COL21A1: variants seen among roughly 807,000 people sequenced by gnomAD.
The protein encoded by COL21A1 is collagen type XXI alpha 1 chain, also known as collagen alpha-1(XXI) chain.
Under a neutral mutation model 137.9 loss-of-function variants are expected in COL21A1, and 149 were observed. The ratio of observed to expected loss-of-function variants is 1.08; its 90% CI spans 0.95 to 1.24. The LOEUF (loss-of-function observed/expected upper bound fraction) is 1.24, where lower values mean the gene tolerates loss of function less well. Ranked by LOEUF, COL21A1 falls within the 50% of genes most tolerant of loss-of-function variation. The probability of loss-of-function intolerance (pLI) is 0.00; values close to 1 mark genes in which losing one functional copy is unlikely to be tolerated. For missense variants in COL21A1, 1,167 were observed against 1,158.4 expected, an observed-to-expected ratio of 1.01 and a Z score of -0.11; for synonymous variants, 456 against 391.5, an observed-to-expected ratio of 1.16 and a Z score of -1.95.
At chr6:56,119,495 C>T (rs1772261627) in intron 16 of COL21A1, among the ~76,000 whole-genome samples, 1 of 152,050 alleles carries the variant, frequency 6.6e-6, no homozygotes, top group Non-Finnish European at 1.5e-5. Flanking sequence ...AAGGAATTTA[C>T]AGATTCAATG....
intron 1 of COL21A1, among the ~76,000 whole-genome samples, chr6:56,278,033 GT>G (rs1382734275): frequency 1.3e-5 from 2 of 152,178 alleles, no homozygotes; most frequent in Non-Finnish European, 2.9e-5. Context: ...AAAGTGGCAA[GT>G]TTTTTCCTGC....
At chr6:56,309,490 A>G (rs1764554780) in intron 1 of COL21A1, among the ~76,000 whole-genome samples, 1 of 152,206 alleles carries the variant, frequency 6.6e-6, no homozygotes, top group Admixed American at 6.5e-5. Context: ...AGACAACCCC[A>G]GAGGTAGCTC....
At chr6:56,097,683 C>G (rs66585712) in intron 17 of COL21A1, among the ~76,000 whole-genome samples, 109,924 of 143,196 alleles carry the variant, frequency 0.77, 43,222 homozygotes, top group African/African-American at 0.93. Context: ...GTCTGCTTGG[C>G]GATAAAACTG....
At chr6:56,124,192 A>G (rs368321277) in intron 15 of COL21A1, 47 bp downstream of exon 15, 387 of 1,550,448 alleles carry the variant, frequency 2.5e-4, no homozygotes, top group Non-Finnish European at 3.3e-4. Context: ...TATAAGATAG[A>G]TTTTATTTAA....
In COL21A1 at chr6:56,166,945, T is replaced by C. The variant is rs116139421; in HGVS notation, c.1239A>G (p.Glu413=). The C allele has an allele frequency of 2.4e-5, 39 of 1,612,968 alleles. No homozygotes were observed. The highest frequency in any genetic ancestry group is 3.0e-5 in the Non-Finnish European group (35 of 1,179,444). ...CACATGCTGTCTCCCGGTTGTTCTG[T>C]TCTGGGTCACAGTAGATTCGCAACT... ...VQKLRIYCDP[E]QNNRETACEI... is the part of the protein sequence containing the mutation. The change falls in exon 7 of 30, where the codon GAA becomes GAG. Residue 413 remains glutamate (E), a synonymous_variant. Coordinates refer to ENST00000244728, the MANE Select transcript of COL21A1 (RefSeq NM_030820.4).
chr6:56,164,302 A>T, intron 9 of COL21A1, 121 bp downstream of exon 9: 1 of 708,328 alleles, frequency 1.4e-6, no homozygotes, highest in Non-Finnish European at 2.4e-6. Context: ...CTGAGGTTTT[A>T]AACTCTATAA....
chr6:56,258,754 A>C (rs1027925174), intron 1 of COL21A1, among the ~76,000 whole-genome samples: 2 of 152,220 alleles, frequency 1.3e-5, no homozygotes, highest in African/African-American at 4.8e-5. Flanking sequence ...TATTTTAAAG[A>C]AGCTTTGGAA....
intron 22 of COL21A1, 89 bp from the exon 23 acceptor site, chr6:56,067,419 C>A: frequency 3.3e-6 from 4 of 1,210,016 alleles, no homozygotes; most frequent in Non-Finnish European, 4.8e-6. Context: ...TGAAGAAAAA[C>A]AACATCTCGT....
intron 1 of COL21A1, among the ~76,000 whole-genome samples, chr6:56,189,353 A>G (rs1324872435): frequency 6.6e-6 from 1 of 151,906 alleles, no homozygotes; most frequent in East Asian, 1.9e-4. Flanking sequence ...TCAATCAAGC[A>G]GAAGAAAGGA....
At chr6:56,308,412 GC>G (rs1183758145) in intron 1 of COL21A1, among the ~76,000 whole-genome samples, 2 of 152,270 alleles carry the variant, frequency 1.3e-5, no homozygotes, top group East Asian at 3.9e-4. Flanking sequence ...TGTTAAACTA[GC>G]CCAAAGGGAC....
intron 12 of COL21A1, among the ~76,000 whole-genome samples, chr6:56,133,722 G>A (rs1307715300): frequency 6.6e-6 from 1 of 152,182 alleles, no homozygotes; most frequent in Non-Finnish European, 1.5e-5. Context: ...GCAGCCTAGG[G>A]ACTTGGTACC....
At chr6:56,185,426 C>T (rs867526006) in intron 1 of COL21A1, among the ~76,000 whole-genome samples, 31 of 100,146 alleles carry the variant, frequency 3.1e-4, no homozygotes, top group East Asian at 7.6e-4. Flanking sequence ...AATGAACAGT[C>T]TTTTTTTTTT....
At chr6:56,337,041 A>G (rs1765343417) in intron 1 of COL21A1, among the ~76,000 whole-genome samples, 1 of 152,100 alleles carries the variant, frequency 6.6e-6, no homozygotes, top group Admixed American at 6.6e-5. Context: ...CTTAGCTCAG[A>G]CCTTAGCTCA....
At chr6:56,130,846 G>A (rs541590326) in intron 12 of COL21A1, among the ~76,000 whole-genome samples, 1 of 152,234 alleles carries the variant, frequency 6.6e-6, no homozygotes, top group Admixed American at 6.5e-5. Context: ...TACAAAATAT[G>A]GAACACAAAA....
intron 1 of COL21A1, among the ~76,000 whole-genome samples, chr6:56,198,071 C>G (rs1213620889): frequency 1.3e-5 from 2 of 152,070 alleles, no homozygotes; most frequent in Non-Finnish European, 2.9e-5. Context: ...CCATTTGCAA[C>G]AACATGGATA....
intron 20 of COL21A1, among the ~76,000 whole-genome samples, chr6:56,071,244 G>T (rs896836011): frequency 1.3e-5 from 2 of 151,608 alleles, no homozygotes; most frequent in African/African-American, 4.8e-5. Context: ...GGCTTTTTTT[G>T]AAGAAGTGTG....
intron 19 of COL21A1, among the ~76,000 whole-genome samples, chr6:56,074,962 T>C (rs1767081914): frequency 7.5e-6 from 1 of 133,146 alleles, no homozygotes; most frequent in Non-Finnish European, 1.7e-5. Flanking sequence ...ACATCACTTC[T>C]AGCAATAAAG....
intron 1 of COL21A1, among the ~76,000 whole-genome samples, chr6:56,260,657 A>AG (rs1562028894): frequency 1.1e-4 from 5 of 46,278 alleles, no homozygotes; most frequent in Non-Finnish European, 2.1e-4. Context: ...GGAAGGAAGG[A>AG]ATGAAGGAAG....
intron 20 of COL21A1, among the ~76,000 whole-genome samples, chr6:56,072,807 T>C (rs1440193651): frequency 1.3e-5 from 2 of 151,494 alleles, no homozygotes; most frequent in Non-Finnish European, 3.0e-5. Flanking sequence ...AAGAAAAAAA[T>C]TAAAATATTT....
Sources: allele counts gnomAD v4.1 joint callset (sites outside exome capture counted in the v4.1 genomes callset), GRCh38; gene constraint gnomAD v4.1.1; transcripts MANE v1.5; gene names NCBI Gene and HGNC (gene_info 2026-07-23, HGNC 2026-07-21).